Variants in RIT2 observed in about 807,000 individuals in gnomAD.
The protein encoded by RIT2 is GTP-binding protein Rit2.
Under a neutral mutation model 23.7 loss-of-function variants are expected in RIT2, and 24 were observed. That is an observed-to-expected ratio of 1.01 (90% CI 0.73 to 1.43). The LOEUF (loss-of-function observed/expected upper bound fraction) is 1.43. Among genes scored for constraint, RIT2 ranks in the 40% most tolerant of loss-of-function variants. The pLI is 0.00. For synonymous variants in RIT2, 107 were observed against 91.1 expected, an observed-to-expected ratio of 1.17 and a Z score of -0.99; for missense variants, 236 against 266.9, an observed-to-expected ratio of 0.88 and a Z score of 0.81.
At chr18:42,744,529 G>A (rs1912873235) in intron 4 of RIT2, among the ~76,000 whole-genome samples, 1 of 151,896 alleles carries the variant, frequency 6.6e-6, no homozygotes, top group African/African-American at 2.4e-5. Flanking sequence ...TCAAATACCA[G>A]TTCAACTGCA....
chr18:42,881,333 G>A (rs1168022647), intron 4 of RIT2, among the ~76,000 whole-genome samples: 24 of 152,130 alleles, frequency 1.6e-4, no homozygotes, highest in Non-Finnish European at 4.4e-5. Context: ...ATTTTTGCAT[G>A]TCTTCTCTTA....
At chr18:42,944,149 T>C (rs1909669748) in intron 3 of RIT2, among the ~76,000 whole-genome samples, 1 of 152,090 alleles carries the variant, frequency 6.6e-6, no homozygotes, top group Admixed American at 6.6e-5. Context: ...GTCTTGACTA[T>C]GAGCCCTGGG....
intron 2 of RIT2, among the ~76,000 whole-genome samples, chr18:42,990,841 G>C (rs1364211497): frequency 6.6e-6 from 1 of 151,680 alleles, no homozygotes; most frequent in Non-Finnish European, 1.5e-5. Flanking sequence ...AGACCCAATA[G>C]GAGGGGGTTG....
intron 4 of RIT2, among the ~76,000 whole-genome samples, chr18:42,856,122 C>T (rs1167454291): frequency 6.6e-6 from 1 of 152,172 alleles, no homozygotes; most frequent in Non-Finnish European, 1.5e-5. Flanking sequence ...GACCAGAATC[C>T]CTTTTCCTTA....
chr18:42,899,189 AT>A, intron 4 of RIT2, among the ~76,000 whole-genome samples: 1 of 151,818 alleles, frequency 6.6e-6, no homozygotes, highest in South Asian at 2.1e-4. Flanking sequence ...TAATTGAATC[AT>A]CTTATTTTTC....
chr18:42,863,307 T>C (rs929081465), intron 4 of RIT2, among the ~76,000 whole-genome samples: 1 of 152,202 alleles, frequency 6.6e-6, no homozygotes, highest in Non-Finnish European at 1.5e-5. Flanking sequence ...GGTGTGTATA[T>C]GCATTTATCT....
intron 2 of RIT2, among the ~76,000 whole-genome samples, chr18:42,982,302 G>C (rs147705514): frequency 2.0e-5 from 3 of 152,044 alleles, no homozygotes. Context: ...TTCACCTTCC[G>C]CATTTGTTCT....
intron 1 of RIT2, among the ~76,000 whole-genome samples, chr18:43,079,021 T>C (rs959294485): frequency 6.6e-6 from 1 of 152,236 alleles, no homozygotes; most frequent in Admixed American, 6.5e-5. Flanking sequence ...TATGTTTGAA[T>C]ACTTAGCACT....
chr18:42,897,436 G>A (rs1001642029), intron 4 of RIT2, among the ~76,000 whole-genome samples: 1 of 152,146 alleles, frequency 6.6e-6, no homozygotes, highest in African/African-American at 2.4e-5. Context: ...ATAACTCTGT[G>A]ACTGACAAAT....
intron 4 of RIT2, among the ~76,000 whole-genome samples, chr18:42,889,076 T>A (rs1908103700): frequency 6.6e-6 from 1 of 151,900 alleles, no homozygotes. Context: ...TTTGTTGGAT[T>A]TTTTTTTAAT....
intron 4 of RIT2, among the ~76,000 whole-genome samples, chr18:42,865,576 G>A (rs935289444): frequency 1.5e-4 from 23 of 152,000 alleles, no homozygotes; most frequent in East Asian, 9.7e-4. Flanking sequence ...GACAACAAGC[G>A]CAAAAAATCA....
chr18:43,052,099 T>A (rs922755561), intron 1 of RIT2, among the ~76,000 whole-genome samples: 3 of 152,162 alleles, frequency 2.0e-5, no homozygotes, highest in African/African-American at 7.2e-5. Context: ...TTTAAGCTCT[T>A]ACTCCTCTTG....
chr18:42,971,378 T>C (rs184881330), intron 3 of RIT2, among the ~76,000 whole-genome samples: 211 of 152,120 alleles, frequency 1.4e-3, no homozygotes, highest in Admixed American at 8.2e-3. Flanking sequence ...AAATTTTTAT[T>C]GATATGAACA....
At chr18:43,078,616 C>T (rs1249072835) in intron 1 of RIT2, among the ~76,000 whole-genome samples, 1 of 152,204 alleles carries the variant, frequency 6.6e-6, no homozygotes, top group Non-Finnish European at 1.5e-5. Context: ...GCATAGTTTA[C>T]ATTCCTCCTG....
chr18:42,830,545 G>C (rs10502803), intron 4 of RIT2, among the ~76,000 whole-genome samples: 2,243 of 152,244 alleles, frequency 0.015, 55 homozygotes, highest in African/African-American at 0.049. Context: ...CAACAGACTT[G>C]CTGGATTAAG....
intron 2 of RIT2, among the ~76,000 whole-genome samples, chr18:43,015,350 G>A (rs913617258): frequency 6.6e-6 from 1 of 151,510 alleles, no homozygotes; most frequent in African/African-American, 2.4e-5. Context: ...ACTGACTCAG[G>A]GAACACCACA....
chr18:42,823,729 T>G (rs2143996392), intron 4 of RIT2, among the ~76,000 whole-genome samples: 1 of 152,284 alleles, frequency 6.6e-6, no homozygotes. Flanking sequence ...CCAGAAGTTT[T>G]ATATTCACCA....
At chr18:42,860,225 C>T (rs1568014949) in intron 4 of RIT2, among the ~76,000 whole-genome samples, 2 of 152,134 alleles carry the variant, frequency 1.3e-5, no homozygotes, top group Non-Finnish European at 2.9e-5. Flanking sequence ...AGCTCAAAAC[C>T]TGTCTCCCTC....
chr18:43,072,787 A>G (rs529784616), intron 1 of RIT2, among the ~76,000 whole-genome samples: 52 of 152,208 alleles, frequency 3.4e-4, no homozygotes, highest in Middle Eastern at 3.4e-3. Context: ...TAACTAATTA[A>G]TCTCTTACTG....
Sources: allele counts gnomAD v4.1 joint callset (sites outside exome capture counted in the v4.1 genomes callset), GRCh38; gene constraint gnomAD v4.1.1; transcripts MANE v1.5; gene names NCBI Gene and HGNC (gene_info 2026-07-23, HGNC 2026-07-21).